RRAGA: variants seen among roughly 807,000 people sequenced by gnomAD.
RRAGA encodes Ras related GTP binding A, also known as ras-related GTP-binding protein A.
In RRAGA, 11 loss-of-function variants were observed where a neutral mutation model predicts 20.5. The ratio of observed to expected loss-of-function variants is 0.54; its 90% CI spans 0.34 to 0.89. RRAGA has a LOEUF of 0.89. Ranked by LOEUF, RRAGA falls within the 40% of genes least tolerant of loss-of-function variation. The probability of loss-of-function intolerance (pLI) is 0.02; values close to 1 mark genes in which losing one functional copy is unlikely to be tolerated. For missense variants in RRAGA, 214 were observed against 400.7 expected, an observed-to-expected ratio of 0.53 and a Z score of 3.98; for synonymous variants, 184 against 155.4, an observed-to-expected ratio of 1.18 and a Z score of -1.37.
Position 19,050,248 on chromosome 9 carries a change from A to G in RRAGA, c.589A>G (p.Ile197Val), listed in dbSNP as rs1836322576. 1 of 1,613,988 alleles carries G rather than the reference A, an allele frequency of 6.2e-7. No homozygotes were observed. The stretch of plus-strand genomic sequence containing the variant: ...GATGAACCTCAGGAATTTTGCCCAA[A>G]TCATTGAGGCCGATGAAGTTCTGCT... ...LEMNLRNFAQ[I>V]IEADEVLLFE... The change falls in exon 1 of 1, where the codon ATC becomes GTC. Residue 197 changes from isoleucine (I) to valine (V), a missense_variant. Around this residue, in one of 4 missense-constraint regions of RRAGA, gnomAD observed 88 missense variants for 169.9 expected, o/e 0.52. Coordinates refer to ENST00000380527, the MANE Select transcript of RRAGA (RefSeq NM_006570.5).
Position 19,049,929 on chromosome 9 carries a change from C to CGT in RRAGA, c.273_274dup (p.Phe92CysfsTer49), listed in dbSNP as rs1836317142. 6.2e-7 allele frequency: 1 copy of CGT among 1,613,986 alleles called. No individual in the cohort carries two copies. Among genetic ancestry groups the CGT allele is most frequent in the Admixed American group, 1.7e-5 (1 of 59,994 alleles). On this transcript the variant is annotated frameshift_variant, in exon 1 of 1. Coordinates refer to ENST00000380527, the MANE Select transcript of RRAGA (RefSeq NM_006570.5). LOFTEE classifies it high-confidence loss of function. This position sits in a 1 kb window ranked among gnomAD's most constrained non-coding sequence, Gnocchi z 5.4. Reference sequence around the variant, plus strand: ...TCCGTAACGTGGAAGTTTTGATTTACGTGTTTGACGTGGAGAGCCGCGAAC... The same window carrying CGT: ...TCCGTAACGTGGAAGTTTTGATTTACGTGTGTTTGACGTGGAGAGCCGCGAAC...
chr9:19,050,618 T>C lies in RRAGA; in HGVS notation c.*17T>C. 1 of 1,600,152 alleles carries C rather than the reference T, an allele frequency of 6.2e-7. No individual in the cohort carries two copies. The highest frequency in any genetic ancestry group is 8.5e-7 in the Non-Finnish European group (1 of 1,170,258). Reference sequence around the variant, plus strand: ...ATGCGTTGAATATTGCCAAATGCTCTTTCTGAAAATGCTGAATTGCCTTTT... The same window carrying C: ...ATGCGTTGAATATTGCCAAATGCTCCTTCTGAAAATGCTGAATTGCCTTTT... On this transcript the variant is annotated 3_prime_UTR_variant, in exon 1 of 1. Coordinates refer to ENST00000380527, the MANE Select transcript of RRAGA (RefSeq NM_006570.5).
chr9:19,050,182 A>G lies in RRAGA; in HGVS notation c.523A>G (p.Ser175Gly). 1 of 1,614,116 alleles carries G rather than the reference A, an allele frequency of 6.2e-7. No homozygotes were observed. Among genetic ancestry groups the G allele is most frequent in the Non-Finnish European group, 8.5e-7 (1 of 1,180,018 alleles). The change falls in exon 1 of 1, where the codon AGC becomes GGC. Residue 175 changes from serine to glycine, a missense_variant. Coordinates refer to ENST00000380527, the MANE Select transcript of RRAGA (RefSeq NM_006570.5). ...WDETLYKAWS[S>G]IVYQLIPNVQ... is the part of the protein sequence containing the mutation. The stretch of plus-strand genomic sequence containing the variant: ...TGAGACGCTCTACAAAGCCTGGTCC[A>G]GCATCGTCTACCAGCTGATTCCCAA...
Position 19,049,907 on chromosome 9 carries a change from G to A in RRAGA, c.248G>A (p.Arg83His), listed in dbSNP as rs763153727. 1 of 1,614,096 alleles carries A rather than the reference G, an allele frequency of 6.2e-7. No individual in the cohort carries two copies. Among genetic ancestry groups the A allele is most frequent in the Non-Finnish European group, 8.5e-7 (1 of 1,180,026 alleles). The change falls in exon 1 of 1, where the codon CGT (arginine) becomes CAT (histidine). Residue 83 changes from arginine (R) to histidine (H), a missense_variant. Transcript: ENST00000380527. The surrounding 1 kb of genome is among the most constrained non-coding windows in gnomAD (Gnocchi z 5.4). ...YFTSQRDNIFRNVEVLIYVFD... is the reference protein window; with the variant it reads ...YFTSQRDNIFHNVEVLIYVFD... ...ACCAGCCAGCGAGACAATATCTTCC[G>A]TAACGTGGAAGTTTTGATTTACGTG...
chr9:19,049,986 T>G lies in RRAGA; in HGVS notation c.327T>G (p.Cys109Trp). 6.2e-7 allele frequency: 1 copy of G among 1,614,176 alleles called. No individual in the cohort carries two copies. The change falls in exon 1 of 1, where the codon TGT (cysteine) becomes TGG (tryptophan). Residue 109 changes from cysteine to tryptophan, a missense_variant. Cys to Trp is a radical substitution (Grantham distance 215). Coordinates refer to ENST00000380527, the MANE Select transcript of RRAGA (RefSeq NM_006570.5). This position sits in a 1 kb window ranked among gnomAD's most constrained non-coding sequence, Gnocchi z 5.4. ...AGGACATGCATTATTACCAGTCGTG[T>G]CTGGAGGCCATCCTCCAGAACTCTC... is the stretch of plus-strand genomic sequence containing the variant. ...LEKDMHYYQS[C>W]LEAILQNSPD...
In RRAGA at chr9:19,050,086, G is replaced by C. The variant is rs756030833; in HGVS notation, c.427G>C (p.Glu143Gln). ...GGATCAGCGTGACCTGATTTTTAAA[G>C]AGCGAGAGGAAGACCTGAGGCGTCT... ...QEDQRDLIFK[E>Q]REEDLRRLSR... The change falls in exon 1 of 1, where the codon GAG becomes CAG. Residue 143 changes from glutamate (E) to glutamine (Q), a missense_variant. Glu to Gln is a conservative substitution (Grantham distance 29). Transcript: ENST00000380527. 1.9e-6 allele frequency: 3 copies of C among 1,614,046 alleles called. No homozygotes were observed. The Admixed American group carries it at 5.0e-5, about 27-fold the overall frequency.
In RRAGA at chr9:19,049,436, G is replaced by A. The variant is rs1238682625; in HGVS notation, c.-224G>A. 3 of 438,634 alleles carry A rather than the reference G, an allele frequency of 6.8e-6. No individual in the cohort carries two copies. Among genetic ancestry groups the A allele is most frequent in the Non-Finnish European group, 1.2e-5 (3 of 249,084 alleles). 27.2% of individuals were successfully genotyped at this position (438,634 alleles called of 1,614,324 possible). A position where few individuals can be genotyped will look rare whatever the true frequency, so the allele number is the denominator to read the frequency against. On this transcript the variant is annotated 5_prime_UTR_variant, in exon 1 of 1. Coordinates refer to ENST00000380527, the MANE Select transcript of RRAGA (RefSeq NM_006570.5). The surrounding 1 kb of genome is among the most constrained non-coding windows in gnomAD (Gnocchi z 5.4). The stretch of plus-strand genomic sequence containing the variant: ...CTCCCGGAAAGCGAGCGTATCTCCC[G>A]AGCCGTTGCCACTGACAGCCGCGGG...
rs778128341 is a variant in RRAGA, at chr9:19,049,791, C to T, written c.132C>T (p.Asp44=). 20 of 1,614,064 alleles carry T rather than the reference C, an allele frequency of 1.2e-5. No individual in the cohort carries two copies. Among genetic ancestry groups the T allele is most frequent in the Non-Finnish European group, 1.4e-5 (16 of 1,180,040 alleles). The stretch of plus-strand genomic sequence containing the variant: ...CCCGGCGCCTGGGGGCCACCATTGA[C>T]GTGGAACACTCCCACGTCCGATTCC... ...RDTRRLGATI[D]VEHSHVRFLG... is the part of the protein sequence containing the mutation. The change falls in exon 1 of 1, where the codon GAC becomes GAT. Residue 44 remains aspartate, a synonymous_variant. Transcript: ENST00000380527. The surrounding 1 kb of genome is among the most constrained non-coding windows in gnomAD (Gnocchi z 5.4).
At position 19,049,652 on chromosome 9, in the gene RRAGA, G is replaced by A. The variant is rs1836313309; in HGVS notation, c.-8G>A. 1 of 1,603,170 alleles carries A rather than the reference G, an allele frequency of 6.2e-7. No homozygotes were observed. The highest frequency in any genetic ancestry group is 1.3e-5 in the African/African-American group (1 of 74,758). On this transcript the variant is annotated 5_prime_UTR_variant, in exon 1 of 1. Transcript: ENST00000380527. This position sits in a 1 kb window ranked among gnomAD's most constrained non-coding sequence, Gnocchi z 5.4. ...CCTCAGGCCCAGTCCGCGGTGCCCCGGCGGGTGATGCCAAATACAGCCATG... is the reference window on the plus strand; with the variant it reads ...CCTCAGGCCCAGTCCGCGGTGCCCCAGCGGGTGATGCCAAATACAGCCATG...
Position 19,049,947 on chromosome 9 carries a change from C to T in RRAGA, c.288C>T (p.Ser96=), listed in dbSNP as rs1181935595. 1.2e-6 allele frequency: 2 copies of T among 1,614,124 alleles called. No individual in the cohort carries two copies. Among genetic ancestry groups the T allele is most frequent in the Admixed American group, 1.7e-5 (1 of 60,020 alleles). Residue 96 remains serine, a synonymous_variant, in exon 1 of 1, where the codon AGC becomes AGT. Coordinates refer to ENST00000380527, the MANE Select transcript of RRAGA (RefSeq NM_006570.5). The surrounding 1 kb of genome is among the most constrained non-coding windows in gnomAD (Gnocchi z 5.4). The part of the protein sequence containing the change: ...EVLIYVFDVE[S]RELEKDMHYY... ...TGATTTACGTGTTTGACGTGGAGAG[C>T]CGCGAACTGGAAAAGGACATGCATT... is the stretch of plus-strand genomic sequence containing the variant.
At position 19,050,808 on chromosome 9, in the gene RRAGA, G is replaced by T; in HGVS notation, c.*207G>T. 1 of 580,790 alleles carries T rather than the reference G, an allele frequency of 1.7e-6. No individual in the cohort carries two copies. The highest frequency in any genetic ancestry group is 3.1e-6 in the Non-Finnish European group (1 of 320,386). The allele number at this position is 580,790 out of a possible 1,614,324, so 36.0% of individuals were successfully genotyped here. A position where few individuals can be genotyped will look rare whatever the true frequency, so the allele number is the denominator to read the frequency against. ...AGTAGAGCTTGAAGCTGACCTTTCT[G>T]AGAAGTTGGTATGGTGTAACACTAA... On this transcript the variant is annotated 3_prime_UTR_variant, in exon 1 of 1. Transcript: ENST00000380527.
Position 19,049,564 on chromosome 9 carries a change from G to C in RRAGA, c.-96G>C, listed in dbSNP as rs1187005581. 5 of 906,996 alleles carry C rather than the reference G, an allele frequency of 5.5e-6. No individual in the cohort carries two copies. The highest frequency in any genetic ancestry group is 8.2e-6 in the Non-Finnish European group (5 of 612,252). The allele number at this position is 906,996 out of a possible 1,614,324, so 56.2% of individuals were successfully genotyped here. A position where few individuals can be genotyped will look rare whatever the true frequency, so the allele number is the denominator to read the frequency against. Reference sequence around the variant, plus strand: ...CCAGCTGCGCGGCGGAGCGGAGCGAGGCGCGGCCTGCGAGTCCCCGGCAGC... The same window carrying C: ...CCAGCTGCGCGGCGGAGCGGAGCGACGCGCGGCCTGCGAGTCCCCGGCAGC... On this transcript the variant is annotated 5_prime_UTR_variant, in exon 1 of 1. Coordinates refer to ENST00000380527, the MANE Select transcript of RRAGA (RefSeq NM_006570.5). The surrounding 1 kb of genome is among the most constrained non-coding windows in gnomAD (Gnocchi z 5.4).
Position 19,050,333 on chromosome 9 carries a change from T to C in RRAGA, c.674T>C (p.Val225Ala), listed in dbSNP as rs1187492961. Residue 225 changes from valine to alanine, a missense_variant, in exon 1 of 1, where the codon GTC becomes GCC. By Grantham distance (64) the Val-to-Ala change is moderately conservative. Coordinates refer to ENST00000380527, the MANE Select transcript of RRAGA (RefSeq NM_006570.5). ...SHYQCKEQRDVHRFEKISNII... is the reference protein window; with the variant it reads ...SHYQCKEQRDAHRFEKISNII... ...TACCAGTGCAAAGAGCAGCGCGACG[T>C]CCACCGGTTTGAGAAGATCAGCAAC... 6.2e-7 allele frequency: 1 copy of C among 1,614,104 alleles called. No homozygotes were observed. The highest frequency in any genetic ancestry group is 8.5e-7 in the Non-Finnish European group (1 of 1,180,026).
At position 19,050,034 on chromosome 9, in the gene RRAGA, G is replaced by T. The variant is rs759962933; in HGVS notation, c.375G>T (p.Leu125=). ...QNSPDAKIFC[L]VHKMDLVQED... ...CTCCTGACGCCAAAATCTTCTGCCT[G>T]GTGCACAAAATGGATCTGGTTCAGG... Residue 125 remains leucine (L), a synonymous_variant, in exon 1 of 1, where the codon CTG becomes CTT. Coordinates refer to ENST00000380527, the MANE Select transcript of RRAGA (RefSeq NM_006570.5). 24 of 1,614,124 alleles carry T rather than the reference G, an allele frequency of 1.5e-5. No homozygotes were observed. In the South Asian group the frequency reaches 2.4e-4, roughly 16 times the overall value.
In RRAGA at chr9:19,050,801, CCTTT is replaced by C. The variant is rs1465168657; in HGVS notation, c.*203_*206del. 1.0e-5 allele frequency: 6 copies of C among 593,120 alleles called. No homozygotes were observed. Among genetic ancestry groups the C allele is most frequent in the Admixed American group, 3.1e-5 (1 of 32,530 alleles). 36.7% of individuals were successfully genotyped at this position (593,120 alleles called of 1,614,324 possible). On this transcript the variant is annotated 3_prime_UTR_variant, in exon 1 of 1. Coordinates refer to ENST00000380527, the MANE Select transcript of RRAGA (RefSeq NM_006570.5). ...GCTACCCAGTAGAGCTTGAAGCTGA[CCTTT>C]CTGAGAAGTTGGTATGGTGTAACAC...
Position 19,049,916 on chromosome 9 carries a change from A to C in RRAGA, c.257A>C (p.Glu86Ala). 1 of 1,614,084 alleles carries C rather than the reference A, an allele frequency of 6.2e-7. No homozygotes were observed. The highest frequency in any genetic ancestry group is 8.5e-7 in the Non-Finnish European group (1 of 1,180,022). ...SQRDNIFRNV[E>A]VLIYVFDVES... ...CGAGACAATATCTTCCGTAACGTGGAAGTTTTGATTTACGTGTTTGACGTG... is the reference window on the plus strand; with the variant it reads ...CGAGACAATATCTTCCGTAACGTGGCAGTTTTGATTTACGTGTTTGACGTG... The change falls in exon 1 of 1, where the codon GAA (glutamate) becomes GCA (alanine). Residue 86 changes from glutamate (E) to alanine (A), a missense_variant. Glu to Ala is a moderately radical substitution (Grantham distance 107). This residue lies in a region of RRAGA where 40 missense variants were observed against 130.1 expected (regional missense o/e 0.31). Coordinates refer to ENST00000380527, the MANE Select transcript of RRAGA (RefSeq NM_006570.5). This position sits in a 1 kb window ranked among gnomAD's most constrained non-coding sequence, Gnocchi z 5.4.
rs1836313757 is a variant in RRAGA at position 19,049,663 on chromosome 9, C to T, written c.4C>T (p.Pro2Ser). 3 of 1,610,142 alleles carry T rather than the reference C, an allele frequency of 1.9e-6. No homozygotes were observed. The highest frequency in any genetic ancestry group is 1.7e-5 in the Admixed American group (1 of 59,726). Residue 2 changes from proline to serine, a missense_variant, in exon 1 of 1, where the codon CCA becomes TCA. Physicochemically the swap from Pro to Ser is moderately conservative, Grantham distance 74 (BLOSUM62 -1). Transcript: ENST00000380527. This position sits in a 1 kb window ranked among gnomAD's most constrained non-coding sequence, Gnocchi z 5.4. ...GTCCGCGGTGCCCCGGCGGGTGATG[C>T]CAAATACAGCCATGAAGAAAAAGGT... is the stretch of plus-strand genomic sequence containing the variant. M[P>S]NTAMKKKVLL...
At position 19,050,732 on chromosome 9, in the gene RRAGA, C is replaced by A; in HGVS notation, c.*131C>A. ...TGTGCTGCTTACTCCTTTCATCTTTCTCCCCGCTTCCCCAGTCTTTAAACA... is the reference window on the plus strand; with the variant it reads ...TGTGCTGCTTACTCCTTTCATCTTTATCCCCGCTTCCCCAGTCTTTAAACA... On this transcript the variant is annotated 3_prime_UTR_variant, in exon 1 of 1. Transcript: ENST00000380527. 1.2e-6 allele frequency: 1 copy of A among 832,032 alleles called. No homozygotes were observed. The allele number at this position is 832,032 out of a possible 1,614,324, so 51.5% of individuals were successfully genotyped here.
At position 19,050,671 on chromosome 9, in the gene RRAGA, C is replaced by A. The variant is rs536109841; in HGVS notation, c.*70C>A. On this transcript the variant is annotated 3_prime_UTR_variant, in exon 1 of 1. Coordinates refer to ENST00000380527, the MANE Select transcript of RRAGA (RefSeq NM_006570.5). ...GTTTGCATCCTTTATTTTTAATATT[C>A]ATAATGTCGTGTGCTTAAAAGTGGG... 1 of 1,441,220 alleles carries A rather than the reference C, an allele frequency of 6.9e-7. No individual in the cohort carries two copies. The highest frequency in any genetic ancestry group is 9.6e-7 in the Non-Finnish European group (1 of 1,039,098). The allele number at this position is 1,441,220 out of a possible 1,614,324, so 89.3% of individuals were successfully genotyped here. A position where few individuals can be genotyped will look rare whatever the true frequency, so the allele number is the denominator to read the frequency against.
Sources: allele counts gnomAD v4.1 joint callset, GRCh38; gene constraint gnomAD v4.1.1; regional missense constraint gnomAD v4.1.1; non-coding constraint Gnocchi (gnomAD v3.1); transcripts MANE v1.5; gene names NCBI Gene and HGNC (gene_info 2026-07-23, HGNC 2026-07-21).